CSMD1: variants seen among roughly 807,000 people sequenced by gnomAD.
CSMD1 encodes the protein CUB and Sushi multiple domains 1, also known as CUB and sushi domain-containing protein 1.
CSMD1 carries 213 observed loss-of-function variants against 417.5 expected under a neutral mutation model. That is an observed-to-expected ratio of 0.51 (90% CI 0.46 to 0.57). The LOEUF is 0.57. Among genes scored for constraint, CSMD1 ranks in the 20% least tolerant of loss-of-function variants. CSMD1 has a pLI of 0.00. For missense variants in CSMD1, 6,923 were observed against 4,529.7 expected (o/e 1.53, Z -15.17); for synonymous variants, 2,862 against 1,736.8 (o/e 1.65, Z -16.11).
At chr8:4,797,596 T>TG (rs1271456919) in intron 1 of CSMD1, among the ~76,000 whole-genome samples, 1 of 152,026 alleles carries the variant, frequency 6.6e-6, no homozygotes, top group Non-Finnish European at 1.5e-5. Flanking sequence ...TTCCAGGGTA[T>TG]GGGGGGAGAG....
At chr8:4,042,462 C>G (rs1797939578) in intron 3 of CSMD1, among the ~76,000 whole-genome samples, 1 of 151,918 alleles carries the variant, frequency 6.6e-6, no homozygotes, top group African/African-American at 2.4e-5. Context: ...AAATATTTTG[C>G]AATATCACAG....
At chr8:4,841,685 C>T (rs867629061) in intron 1 of CSMD1, among the ~76,000 whole-genome samples, 1 of 151,660 alleles carries the variant, frequency 6.6e-6, no homozygotes, top group Non-Finnish European at 1.5e-5. Flanking sequence ...CTGAGGCAGG[C>T]GGATCATCTG....
intron 3 of CSMD1, among the ~76,000 whole-genome samples, chr8:4,301,087 T>G (rs1056526808): frequency 6.6e-6 from 1 of 152,184 alleles, no homozygotes; most frequent in Non-Finnish European, 1.5e-5. Flanking sequence ...GGATGCCTAA[T>G]GAGTTCCCAT....
At chr8:3,651,081 C>T (rs1797829255) in intron 7 of CSMD1, among the ~76,000 whole-genome samples, 2 of 152,166 alleles carry the variant, frequency 1.3e-5, no homozygotes, top group South Asian at 2.1e-4. Flanking sequence ...ATTCAAGATT[C>T]GTGCATACAA....
chr8:3,324,285 C>T (rs1410484702), intron 23 of CSMD1, among the ~76,000 whole-genome samples: 2 of 146,204 alleles, frequency 1.4e-5, no homozygotes, highest in Admixed American at 6.8e-5. Context: ...TAGGCCACAC[C>T]TAACCCCTGA....
chr8:4,546,917 T>C (rs971354534), intron 2 of CSMD1, among the ~76,000 whole-genome samples: 1 of 152,070 alleles, frequency 6.6e-6, no homozygotes, highest in Non-Finnish European at 1.5e-5. Context: ...ACACCATCCC[T>C]GAGATGTTGA....
chr8:4,843,551 A>G (rs1271184703), intron 1 of CSMD1, among the ~76,000 whole-genome samples: 2 of 152,184 alleles, frequency 1.3e-5, no homozygotes, highest in Admixed American at 1.3e-4. Flanking sequence ...ACCATCATAA[A>G]GGCCCAATCT....
In CSMD1 at chr8:4,217,094, G is replaced by A. The variant is rs182783282; in HGVS notation, c.416-184995C>T. On this transcript the variant is annotated intron_variant, in intron 3 of 69. Transcript: ENST00000635120. ...TCTGTTATACAATATAGTAGATAGG[G>A]GCTGACATTTTAGTTGGTGTAGTGC... is the stretch of plus-strand genomic sequence containing the variant. 4.1e-3 allele frequency among the ~76,000 whole-genome samples: 628 copies of A among 152,206 alleles called. 3 individuals carry two copies. Among genetic ancestry groups the A allele is most frequent in the Non-Finnish European group, 6.3e-3 (426 of 68,012 alleles).
chr8:3,970,306 G>A (rs1453784722), intron 5 of CSMD1, among the ~76,000 whole-genome samples: 4 of 152,088 alleles, frequency 2.6e-5, no homozygotes, highest in Admixed American at 1.3e-4. Flanking sequence ...AAGAGTAGAG[G>A]CACGGTGATC....
intron 26 of CSMD1, among the ~76,000 whole-genome samples, chr8:3,235,084 T>C (rs1799073525): frequency 6.6e-6 from 1 of 152,236 alleles, no homozygotes; most frequent in Admixed American, 6.5e-5. Context: ...TGTCACAGTT[T>C]ATATAGGTTA....
chr8:4,319,781 G>C (rs1182944045), intron 3 of CSMD1, among the ~76,000 whole-genome samples: 2 of 152,092 alleles, frequency 1.3e-5, no homozygotes, highest in Non-Finnish European at 2.9e-5. Context: ...CAAAATACCA[G>C]AGAGAGAAGA....
intron 5 of CSMD1, among the ~76,000 whole-genome samples, chr8:3,853,667 G>C (rs1804073832): frequency 6.6e-6 from 1 of 151,944 alleles, no homozygotes; most frequent in African/African-American, 2.4e-5. Flanking sequence ...ATCTTCCCTA[G>C]TGTAGAAGGT....
chr8:3,184,437 G>A (rs997168825), intron 36 of CSMD1, among the ~76,000 whole-genome samples: 2 of 152,080 alleles, frequency 1.3e-5, no homozygotes, highest in East Asian at 1.9e-4. Context: ...GCAGACCAAC[G>A]GTGCCATGCA....
At chr8:3,562,723 T>C (rs958064674) in intron 10 of CSMD1, among the ~76,000 whole-genome samples, 2 of 151,674 alleles carry the variant, frequency 1.3e-5, no homozygotes, top group African/African-American at 4.8e-5. Flanking sequence ...AGTTACATGT[T>C]AAACAACTGA....
intron 3 of CSMD1, among the ~76,000 whole-genome samples, chr8:4,200,741 A>T (rs1172061894): frequency 1.3e-5 from 2 of 152,174 alleles, no homozygotes; most frequent in East Asian, 3.9e-4. Flanking sequence ...GTGTATCTGT[A>T]GTCCCAACTA....
intron 3 of CSMD1, among the ~76,000 whole-genome samples, chr8:4,188,215 T>C (rs1486119929): frequency 2.6e-5 from 4 of 152,108 alleles, no homozygotes; most frequent in African/African-American, 7.2e-5. Context: ...TTTTACATGA[T>C]GTAAAATTTG....
intron 54 of CSMD1, among the ~76,000 whole-genome samples, chr8:2,997,773 G>C (rs942272063): frequency 9.2e-5 from 14 of 152,154 alleles, no homozygotes; most frequent in African/African-American, 3.1e-4. Context: ...TAGAAGATGA[G>C]TTATCTTTAA....
rs1310412830 is a variant in CSMD1, at chr8:3,157,967, C to T, written c.5845-1G>A. 1 of 1,552,746 alleles carries T rather than the reference C, an allele frequency of 6.4e-7. No homozygotes were observed. Among genetic ancestry groups the T allele is most frequent in the Admixed American group, 2.0e-5 (1 of 51,182 alleles). On this transcript the variant is annotated splice_acceptor_variant, in intron 38 of 69. Transcript: ENST00000635120. LOFTEE classifies it high-confidence loss of function. Reference sequence around the variant, plus strand: ...GCATACAGGAAATGTGGGAACGGCCCTGTTTAAAAGAAAACAAAAGAAAAT... The same window carrying T: ...GCATACAGGAAATGTGGGAACGGCCTTGTTTAAAAGAAAACAAAAGAAAAT...
At chr8:2,940,487 A>C (rs1055052682) in intron 69 of CSMD1, among the ~76,000 whole-genome samples, 1 of 152,148 alleles carries the variant, frequency 6.6e-6, no homozygotes, top group Non-Finnish European at 1.5e-5. Context: ...GAGGCATCAC[A>C]TTTACATAAA....
Sources: gnomAD v4.1 joint callset for allele counts (sites outside exome capture counted in the v4.1 genomes callset) on GRCh38, gnomAD v4.1.1 for gene constraint, MANE v1.5 for transcripts, NCBI Gene and HGNC (gene_info 2026-07-23, HGNC 2026-07-21) for gene names.